The following AGBL4 variants were observed in gnomAD, a reference collection of about 807,000 sequenced individuals.
AGBL4 encodes the protein cytosolic carboxypeptidase 6.
AGBL4 carries 58 observed loss-of-function variants against 66.4 expected under a neutral mutation model. The ratio of observed to expected loss-of-function variants is 0.87; its 90% CI spans 0.71 to 1.09. AGBL4 has a LOEUF of 1.09. AGBL4 is among the 50% of genes least tolerant of loss of function. AGBL4 has a pLI of 0.00. For synonymous variants in AGBL4, 234 were observed against 222.9 expected (o/e 1.05, Z -0.44); for missense variants, 579 against 631.0 (o/e 0.92, Z 0.88).
intron 11 of AGBL4, 97 bp downstream of exon 11, chr1:48,586,907 C>T (rs542755604): frequency 1.3e-6 from 2 of 1,499,614 alleles, no homozygotes; most frequent in African/African-American, 1.4e-5. Flanking sequence ...GAGTCTCAGC[C>T]CTTACCTGAG....
chr1:49,837,642 C>T (rs1291268656), intron 2 of AGBL4, among the ~76,000 whole-genome samples: 2 of 152,124 alleles, frequency 1.3e-5, no homozygotes, highest in Non-Finnish European at 1.5e-5. Context: ...GTCAGGAGAT[C>T]GGACCATCCT....
chr1:49,322,668 T>C (rs1184791804), intron 3 of AGBL4, among the ~76,000 whole-genome samples: 2 of 152,200 alleles, frequency 1.3e-5, no homozygotes, highest in African/African-American at 4.8e-5. Flanking sequence ...TAAGGAATGC[T>C]TGGAGCCACC....
intron 1 of AGBL4, among the ~76,000 whole-genome samples, chr1:49,999,439 C>T (rs576363121): frequency 1.3e-5 from 2 of 151,564 alleles, no homozygotes; most frequent in South Asian, 4.2e-4. Context: ...TCATAGACAA[C>T]ACAAATGAAA....
chr1:49,007,785 A>T lies in AGBL4; in HGVS notation c.594+37799T>A, dbSNP rs368388715. On this transcript the variant is annotated intron_variant, in intron 5 of 13. Coordinates refer to ENST00000371839, the MANE Select transcript of AGBL4 (RefSeq NM_032785.4). The stretch of plus-strand genomic sequence containing the variant: ...TCATATCCAGCCAAACTAAGCTTCA[A>T]AAGTGAAGGAGAAATAAAATACTTT... Among the ~76,000 whole-genome samples the T allele has an allele frequency of 4.0e-4, 60 of 151,832 alleles. 1 individual carries two copies. Among genetic ancestry groups the T allele is most frequent in the Middle Eastern group, 6.8e-3 (2 of 294 alleles).
chr1:49,339,930 T>G (rs935593391), intron 3 of AGBL4, among the ~76,000 whole-genome samples: 1 of 152,186 alleles, frequency 6.6e-6, no homozygotes, highest in Non-Finnish European at 1.5e-5. Context: ...AGGTATTGGT[T>G]GGATATTCAT....
chr1:49,087,886 C>A lies in AGBL4; in HGVS notation c.378-42086G>T, dbSNP rs571969780. Among the ~76,000 whole-genome samples, 3 of 152,262 alleles carry A rather than the reference C, an allele frequency of 2.0e-5. No homozygotes were observed. The South Asian group carries it at 6.2e-4, about 32-fold the overall frequency. The stretch of plus-strand genomic sequence containing the variant: ...GGAACCTCACCAGGCTAACAGAGGA[C>A]CTTTCGGCAAAAACCATACAAGCCA... On this transcript the variant is annotated intron_variant, in intron 4 of 13. Transcript: ENST00000371839.
chr1:49,521,418 G>C (rs1650256190), intron 3 of AGBL4, among the ~76,000 whole-genome samples: 2 of 151,948 alleles, frequency 1.3e-5, no homozygotes, highest in African/African-American at 4.8e-5. Flanking sequence ...CAGACACATA[G>C]ACCAATGGAA....
At chr1:49,574,170 G>A (rs555390279) in intron 3 of AGBL4, among the ~76,000 whole-genome samples, 10 of 152,214 alleles carry the variant, frequency 6.6e-5, no homozygotes, top group Admixed American at 2.0e-4. Context: ...GAACTGTTTC[G>A]GTTCTCTAAT....
rs114903637 is a variant in AGBL4 at position 49,860,937 on chromosome 1, G to A, written c.35-9419C>T. Among the ~76,000 whole-genome samples, 1,276 of 152,142 alleles carry A rather than the reference G, an allele frequency of 8.4e-3. 4 individuals are homozygous for A. Among genetic ancestry groups the A allele is most frequent in the Non-Finnish European group, 0.014 (981 of 67,996 alleles). On this transcript the variant is annotated intron_variant, in intron 1 of 13. Coordinates refer to ENST00000371839, the MANE Select transcript of AGBL4 (RefSeq NM_032785.4). ...AAAAACAGTCCTGAATCACCAATGCGACCCCTCCCCAACCCAGGCAGCTAC... is the reference window on the plus strand; with the variant it reads ...AAAAACAGTCCTGAATCACCAATGCAACCCCTCCCCAACCCAGGCAGCTAC...
At chr1:48,891,187 T>C (rs991034417) in intron 5 of AGBL4, among the ~76,000 whole-genome samples, 1 of 152,188 alleles carries the variant, frequency 6.6e-6, no homozygotes, top group Non-Finnish European at 1.5e-5. Context: ...CAGGCAGATA[T>C]CATTATTATT....
At chr1:49,834,664 T>C (rs954847672) in intron 2 of AGBL4, among the ~76,000 whole-genome samples, 1 of 152,224 alleles carries the variant, frequency 6.6e-6, no homozygotes, top group Non-Finnish European at 1.5e-5. Context: ...ATTGTTATGT[T>C]AGGTGTCAAT....
chr1:49,653,645 GA>G (rs1475105298), intron 3 of AGBL4, among the ~76,000 whole-genome samples: 1 of 151,640 alleles, frequency 6.6e-6, no homozygotes, highest in East Asian at 2.0e-4. Flanking sequence ...TGACGGAGCT[GA>G]AAAACACAAC....
chr1:48,610,766 A>C (rs320020), intron 9 of AGBL4, among the ~76,000 whole-genome samples: 90,235 of 151,836 alleles, frequency 0.59, 27,127 homozygotes, highest in Middle Eastern at 0.69. Flanking sequence ...GATTCCTTGT[A>C]ATTTTCCTCC....
chr1:49,193,723 T>C (rs1420086669), intron 4 of AGBL4, among the ~76,000 whole-genome samples: 4 of 151,688 alleles, frequency 2.6e-5, no homozygotes, highest in African/African-American at 7.3e-5. Context: ...TTAGTAGAGA[T>C]GGGGTTTCAC....
chr1:49,878,118 A>G (rs1479562229), intron 1 of AGBL4, among the ~76,000 whole-genome samples: 2 of 147,382 alleles, frequency 1.4e-5, no homozygotes, highest in Non-Finnish European at 3.0e-5. Context: ...CAGCTCCTGG[A>G]TTCACTGATT....
At chr1:49,464,504 G>A (rs1646583498) in intron 3 of AGBL4, among the ~76,000 whole-genome samples, 1 of 151,722 alleles carries the variant, frequency 6.6e-6, no homozygotes, top group Non-Finnish European at 1.5e-5. Context: ...TTTGATTCTG[G>A]AGAACAAGGA....
chr1:49,955,199 G>A (rs138585744), intron 1 of AGBL4, among the ~76,000 whole-genome samples: 1 of 151,898 alleles, frequency 6.6e-6, no homozygotes, highest in Non-Finnish European at 1.5e-5. Context: ...ATACATTCTT[G>A]AAGATTTCAA....
chr1:49,609,668 C>A (rs1016786726), intron 3 of AGBL4, among the ~76,000 whole-genome samples: 1 of 151,962 alleles, frequency 6.6e-6, no homozygotes, highest in Non-Finnish European at 1.5e-5. Context: ...TTTCATGTCC[C>A]TGGGAGTCGA....
chr1:49,615,271 A>G (rs1191885824), intron 3 of AGBL4, among the ~76,000 whole-genome samples: 2 of 152,164 alleles, frequency 1.3e-5, no homozygotes, highest in Admixed American at 1.3e-4. Flanking sequence ...AGGTCATGGA[A>G]CTTGTCTATA....
Sources: allele counts gnomAD v4.1 joint callset (sites outside exome capture counted in the v4.1 genomes callset), GRCh38; gene constraint gnomAD v4.1.1; transcripts MANE v1.5; gene names NCBI Gene and HGNC (gene_info 2026-07-23, HGNC 2026-07-21).